The following EBPL variants were observed in gnomAD, a reference collection of about 807,000 sequenced individuals.
EBPL encodes EBP like.
Under a neutral mutation model 19.0 loss-of-function variants are expected in EBPL, and 20 were observed. The ratio of observed to expected loss-of-function variants is 1.05; its 90% confidence interval spans 0.74 to 1.53. The LOEUF (loss-of-function observed/expected upper bound fraction) is 1.53, where lower values mean the gene tolerates loss of function less well. Ranked by LOEUF, EBPL falls within the 40% of genes most tolerant of loss-of-function variation. The pLI is 0.00. For synonymous variants in EBPL, 107 were observed against 117.0 expected (o/e 0.91, Z 0.55); for missense variants, 219 against 261.1 (o/e 0.84, Z 1.11).
chr13:49,684,799 T>C (rs1012654108), intron 1 of EBPL, among the ~76,000 whole-genome samples: 2 of 152,244 alleles, frequency 1.3e-5, no homozygotes, highest in Non-Finnish European at 2.9e-5. Context: ...ACCTACCCAG[T>C]TCTTAGAAGG....
At chr13:49,669,905 T>C (rs9535292) in intron 1 of EBPL, 59 bp from the exon 2 acceptor site, 961,328 of 1,354,532 alleles carry the variant, frequency 0.71, 345,679 homozygotes, top group East Asian at 0.74. Flanking sequence ...AGGATGGCAC[T>C]GTAGACACAT....
At chr13:49,690,158 C>CAAAAAAAAAAA (rs1954045045) in intron 1 of EBPL, among the ~76,000 whole-genome samples, 1 of 27,406 alleles carries the variant, frequency 3.6e-5, no homozygotes, top group Non-Finnish European at 9.1e-5. Flanking sequence ...TCAAGAACAA[C>CAAAAAAAAAAA]AACAAAAAAA....
chr13:49,661,116 T>C lies in EBPL; in HGVS notation c.473A>G (p.Asn158Ser), dbSNP rs1965139223. The change falls in exon 4 of 4, where the codon AAC becomes AGC. Residue 158 changes from asparagine (N) to serine (S), a missense_variant. Coordinates refer to ENST00000242827, the MANE Select transcript of EBPL (RefSeq NM_032565.5). ...CCAACAGTACAGCCAGTTGCTGGTG[T>C]TGAGGTTGGGGCTTCTGGTGAGCCA... ...PEWLTRSPNL[N>S]TSNWLYCWLY... 4.3e-6 allele frequency: 7 copies of C among 1,613,758 alleles called. No individual in the cohort carries two copies. Among genetic ancestry groups the C allele is most frequent in the East Asian group, 4.5e-5 (2 of 44,870 alleles).
intron 2 of EBPL, chr13:49,668,587 A>G: frequency 2.3e-6 from 1 of 433,166 alleles, no homozygotes; most frequent in Non-Finnish European, 4.6e-6. Context: ...AAAAAAGAAA[A>G]AAAAGAAATG....
chr13:49,671,913 A>G (rs1418249368), intron 1 of EBPL, among the ~76,000 whole-genome samples: 5 of 152,250 alleles, frequency 3.3e-5, no homozygotes, highest in African/African-American at 1.2e-4. Flanking sequence ...CTATGAGTCT[A>G]TAACAAATCC....
At chr13:49,687,123 G>A (rs1000916588) in intron 1 of EBPL, among the ~76,000 whole-genome samples, 3 of 152,068 alleles carry the variant, frequency 2.0e-5, no homozygotes, top group African/African-American at 7.2e-5. Flanking sequence ...AACTGCACAC[G>A]AGGACCCCCG....
chr13:49,690,861 C>T (rs1954054826), intron 1 of EBPL, among the ~76,000 whole-genome samples: 1 of 152,222 alleles, frequency 6.6e-6, no homozygotes, highest in African/African-American at 2.4e-5. Context: ...AGCCTTGCTG[C>T]CTCCGGAGCA....
chr13:49,669,103 T>C (rs1953782322), intron 2 of EBPL, among the ~76,000 whole-genome samples: 1 of 152,102 alleles, frequency 6.6e-6, no homozygotes, highest in Non-Finnish European at 1.5e-5. Flanking sequence ...ATAGTCTCCA[T>C]CTCCTGACCT....
chr13:49,676,144 C>T (rs1953873547), intron 1 of EBPL, among the ~76,000 whole-genome samples: 1 of 152,182 alleles, frequency 6.6e-6, no homozygotes, highest in Admixed American at 6.5e-5. Context: ...CAAGATGAAC[C>T]AATAATTCTC....
At chr13:49,681,967 A>C (rs904146225) in intron 1 of EBPL, among the ~76,000 whole-genome samples, 9 of 152,204 alleles carry the variant, frequency 5.9e-5, no homozygotes, top group African/African-American at 2.2e-4. Flanking sequence ...CTGACTCACA[A>C]AACCTCAGCC....
intron 1 of EBPL, among the ~76,000 whole-genome samples, chr13:49,685,414 T>C (rs1266695641): frequency 2.6e-5 from 4 of 152,194 alleles, no homozygotes; most frequent in Admixed American, 1.3e-4. Context: ...TAATAAAGTG[T>C]GGGTGAAATT....
At chr13:49,661,956 A>T in intron 3 of EBPL, 1 of 1,520,360 alleles carries the variant, frequency 6.6e-7, no homozygotes, top group Non-Finnish European at 8.9e-7. Flanking sequence ...GGAAGGGAGG[A>T]GAGTTTATAG....
intron 3 of EBPL, among the ~76,000 whole-genome samples, chr13:49,662,677 G>T (rs1965167451): frequency 6.6e-6 from 1 of 151,768 alleles, no homozygotes; most frequent in African/African-American, 2.4e-5. Context: ...ATGTCACCCA[G>T]GTTGGAGTGC....
intron 1 of EBPL, among the ~76,000 whole-genome samples, chr13:49,678,464 C>T (rs540389018): frequency 2.3e-4 from 35 of 152,344 alleles, no homozygotes; most frequent in African/African-American, 7.5e-4. Flanking sequence ...CGTGGGGAAG[C>T]GGCTCAGGCC....
rs933489779 is a variant in EBPL at position 49,660,726 on chromosome 13, T to C, written c.*242A>G. On this transcript the variant is annotated 3_prime_UTR_variant, in exon 4 of 4. Coordinates refer to ENST00000242827, the MANE Select transcript of EBPL (RefSeq NM_032565.5). ...GGAACAATTAATGCCAGCCATAAAATGTATAATTAAACATTTTATTATTAC... is the reference window on the plus strand; with the variant it reads ...GGAACAATTAATGCCAGCCATAAAACGTATAATTAAACATTTTATTATTAC... 4.4e-5 allele frequency: 18 copies of C among 408,012 alleles called. No homozygotes were observed. Among genetic ancestry groups the C allele is most frequent in the Non-Finnish European group, 7.4e-5 (17 of 230,358 alleles). 25.3% of individuals were successfully genotyped at this position (408,012 alleles called of 1,614,324 possible).
At chr13:49,662,676 A>C (rs769749781) in intron 3 of EBPL, among the ~76,000 whole-genome samples, 4 of 151,528 alleles carry the variant, frequency 2.6e-5, no homozygotes, top group Non-Finnish European at 5.9e-5. Context: ...TATGTCACCC[A>C]GGTTGGAGTG....
chr13:49,674,194 C>T (rs2137496358), intron 1 of EBPL, among the ~76,000 whole-genome samples: 1 of 152,280 alleles, frequency 6.6e-6, no homozygotes, highest in South Asian at 2.1e-4. Context: ...CCTCCGCCTC[C>T]TGGGTTCAAG....
intron 1 of EBPL, among the ~76,000 whole-genome samples, chr13:49,688,812 G>A (rs1310156094): frequency 6.6e-6 from 1 of 151,348 alleles, no homozygotes; most frequent in Non-Finnish European, 1.5e-5. Context: ...TCTCCCCTAA[G>A]CTCTACATCT....
chr13:49,660,878 G>C lies in EBPL; in HGVS notation c.*90C>G. ...AGCAACAATACAAAAACAAAGTGTAGACTGGAATGTATTACATTTTGGCCA... is the reference window on the plus strand; with the variant it reads ...AGCAACAATACAAAAACAAAGTGTACACTGGAATGTATTACATTTTGGCCA... On this transcript the variant is annotated 3_prime_UTR_variant, in exon 4 of 4. Transcript: ENST00000242827. The C allele has an allele frequency of 1.7e-6, 2 of 1,151,100 alleles. No homozygotes were observed. The highest frequency in any genetic ancestry group is 2.5e-6 in the Non-Finnish European group (2 of 797,566). The allele number at this position is 1,151,100 out of a possible 1,614,324, so 71.3% of individuals were successfully genotyped here.
Sources: allele counts gnomAD v4.1 joint callset (sites outside exome capture counted in the v4.1 genomes callset), GRCh38; gene constraint gnomAD v4.1.1; transcripts MANE v1.5; gene names NCBI Gene and HGNC (gene_info 2026-07-23, HGNC 2026-07-21).